TRABD2B: variants seen among roughly 807,000 people sequenced by gnomAD.
TRABD2B encodes the protein metalloprotease TIKI2.
A neutral mutation model predicts 40.1 loss-of-function variants in TRABD2B; 14 were observed. The observed-to-expected ratio is 0.35, with a 90% confidence interval of 0.23 to 0.55. The LOEUF (loss-of-function observed/expected upper bound fraction) is 0.55, where lower values mean the gene tolerates loss of function less well. Among genes scored for constraint, TRABD2B ranks in the 20% least tolerant of loss-of-function variants. The pLI is 0.90. For synonymous variants in TRABD2B, 263 were observed against 277.0 expected (o/e 0.95, Z 0.50); for missense variants, 541 against 648.6 (o/e 0.83, Z 1.80).
intron 3 of TRABD2B, among the ~76,000 whole-genome samples, chr1:47,799,385 G>C (rs1347784169): frequency 1.3e-5 from 2 of 152,188 alleles, no homozygotes; most frequent in Non-Finnish European, 2.9e-5. Context: ...GAGCCTCGTG[G>C]TGTCAGGGTG....
In TRABD2B at chr1:47,898,965, G is replaced by A. The variant is rs76075440; in HGVS notation, c.666+95069C>T. ...CTCATTCATTCATTCATTCATTCAC[G>A]CATTCAGTCTTCACGGCCTTCACCA... is the stretch of plus-strand genomic sequence containing the variant. On this transcript the variant is annotated intron_variant, in intron 2 of 6. Coordinates refer to ENST00000606738, the MANE Select transcript of TRABD2B (RefSeq NM_001194986.2). Among the ~76,000 whole-genome samples, 388 of 152,162 alleles carry A rather than the reference G, an allele frequency of 2.5e-3. 1 individual carries two copies. Among genetic ancestry groups the A allele is most frequent in the African/African-American group, 9.0e-3 (374 of 41,492 alleles).
intron 2 of TRABD2B, among the ~76,000 whole-genome samples, chr1:47,832,726 G>A (rs1645267295): frequency 6.6e-6 from 1 of 152,182 alleles, no homozygotes; most frequent in African/African-American, 2.4e-5. Flanking sequence ...TAGGGGCACA[G>A]AGAAGAATCT....
At chr1:47,883,249 A>C (rs1308780124) in intron 2 of TRABD2B, among the ~76,000 whole-genome samples, 1 of 152,194 alleles carries the variant, frequency 6.6e-6, no homozygotes, top group Admixed American at 6.5e-5. Flanking sequence ...GTTGGGACTT[A>C]ATTCTAAGTC....
intron 2 of TRABD2B, among the ~76,000 whole-genome samples, chr1:47,846,186 G>A (rs76627788): frequency 0.023 from 3,577 of 152,308 alleles, 111 homozygotes; most frequent in Admixed American, 0.094. Flanking sequence ...AATACATTCA[G>A]CATGCTTCCC....
chr1:47,934,770 C>T (rs1456618774), intron 2 of TRABD2B, among the ~76,000 whole-genome samples: 6 of 152,178 alleles, frequency 3.9e-5, no homozygotes, highest in Non-Finnish European at 8.8e-5. Flanking sequence ...AGACACAGGG[C>T]TTAGAGTGGA....
intron 2 of TRABD2B, among the ~76,000 whole-genome samples, chr1:47,975,303 G>A (rs1645740276): frequency 1.3e-5 from 2 of 152,252 alleles, no homozygotes; most frequent in African/African-American, 4.8e-5. Flanking sequence ...AAAATTAAAA[G>A]TTTATTTAAA....
rs1443302211 is a variant in TRABD2B, at chr1:47,876,915, GT to G, written c.667-75297del. Among the ~76,000 whole-genome samples the G allele has an allele frequency of 2.0e-5, 3 of 152,296 alleles. No homozygotes were observed. The East Asian group carries it at 5.8e-4, about 29-fold the overall frequency. On this transcript the variant is annotated intron_variant, in intron 2 of 6. Coordinates refer to ENST00000606738, the MANE Select transcript of TRABD2B (RefSeq NM_001194986.2). Reference sequence around the variant, plus strand: ...AACAACTGTCTGTCAAGCTCTTCCTGTGTGCCAGGCACTGTGCTAGGCACTG... The same window carrying G: ...AACAACTGTCTGTCAAGCTCTTCCTGGTGCCAGGCACTGTGCTAGGCACTG...
chr1:47,940,879 T>C (rs1036778056), intron 2 of TRABD2B, among the ~76,000 whole-genome samples: 1 of 152,202 alleles, frequency 6.6e-6, no homozygotes, highest in African/African-American at 2.4e-5. Flanking sequence ...AATGGCGTAT[T>C]TTCCAGCAGT....
chr1:47,886,393 G>T (rs1245608140), intron 2 of TRABD2B, among the ~76,000 whole-genome samples: 1 of 152,174 alleles, frequency 6.6e-6, no homozygotes, highest in East Asian at 1.9e-4. Context: ...TTTGCTTCTT[G>T]TTCCTCTCTA....
intron 2 of TRABD2B, among the ~76,000 whole-genome samples, chr1:47,828,447 A>G (rs1038360372): frequency 1.3e-5 from 2 of 152,188 alleles, no homozygotes; most frequent in Admixed American, 6.5e-5. Flanking sequence ...TTGTGCTAGA[A>G]AGTCACTGGG....
chr1:47,806,233 G>A (rs1373710685), intron 2 of TRABD2B, among the ~76,000 whole-genome samples: 1 of 152,202 alleles, frequency 6.6e-6, no homozygotes, highest in Non-Finnish European at 1.5e-5. Context: ...AGGGATTTGA[G>A]ATTAGTAGAT....
At chr1:47,824,366 A>T (rs1452513031) in intron 2 of TRABD2B, among the ~76,000 whole-genome samples, 1 of 152,138 alleles carries the variant, frequency 6.6e-6, no homozygotes, top group East Asian at 1.9e-4. Flanking sequence ...ACAGCCTGCA[A>T]ATTCAACCCT....
intron 2 of TRABD2B, among the ~76,000 whole-genome samples, chr1:47,919,845 G>A (rs1470835984): frequency 1.3e-5 from 2 of 152,226 alleles, no homozygotes; most frequent in East Asian, 3.9e-4. Context: ...GCTTCCTGGA[G>A]AGGGGGGTGC....
chr1:47,960,374 G>A (rs573589764), intron 2 of TRABD2B, among the ~76,000 whole-genome samples: 23 of 152,280 alleles, frequency 1.5e-4, no homozygotes, highest in African/African-American at 5.5e-4. Context: ...GGGCAATCAG[G>A]CAGGAGAAAG....
chr1:47,825,030 G>C (rs1471470058), intron 2 of TRABD2B, among the ~76,000 whole-genome samples: 1 of 152,202 alleles, frequency 6.6e-6, no homozygotes, highest in African/African-American at 2.4e-5. Context: ...ACCCACGGGG[G>C]AATCTCAGGC....
In TRABD2B at chr1:47,810,137, G is replaced by GGGGT. The variant is rs1553153518; in HGVS notation, c.667-8519_667-8518insACCC. On this transcript the variant is annotated intron_variant, in intron 2 of 6. Coordinates refer to ENST00000606738, the MANE Select transcript of TRABD2B (RefSeq NM_001194986.2). The stretch of plus-strand genomic sequence containing the variant: ...GAAAATAAGGCAAAGAGGAATATAG[G>GGGGT]GTGTGTGTGTGTGTGTGCGCGCGCG... Among the ~76,000 whole-genome samples, 615 of 136,146 alleles carry GGGGT rather than the reference G, an allele frequency of 4.5e-3. 2 individuals carry two copies. The highest frequency in any genetic ancestry group is 0.011 in the Middle Eastern group (3 of 276). The allele number at this position is 136,146 out of a possible 152,430, so 89.3% of individuals were successfully genotyped here. A position where few individuals can be genotyped will look rare whatever the true frequency, so the allele number is the denominator to read the frequency against.
chr1:47,914,874 G>T (rs930720567), intron 2 of TRABD2B, among the ~76,000 whole-genome samples: 1 of 152,206 alleles, frequency 6.6e-6, no homozygotes, highest in Non-Finnish European at 1.5e-5. Context: ...CTGAATGCTG[G>T]GGGGGCAAGG....
chr1:47,856,460 G>A (rs1278488108), intron 2 of TRABD2B, among the ~76,000 whole-genome samples: 2 of 152,258 alleles, frequency 1.3e-5, no homozygotes, highest in African/African-American at 4.8e-5. Flanking sequence ...TTGGATTTAG[G>A]ATATGTTTGG....
chr1:47,770,944 C>T (rs994837587), intron 6 of TRABD2B, among the ~76,000 whole-genome samples: 1 of 152,226 alleles, frequency 6.6e-6, no homozygotes, highest in African/African-American at 2.4e-5. Context: ...CGAGCATCAT[C>T]TCACATAATC....
Sources: gnomAD v4.1 joint callset for allele counts (sites outside exome capture counted in the v4.1 genomes callset) on GRCh38, gnomAD v4.1.1 for gene constraint, MANE v1.5 for transcripts, NCBI Gene and HGNC (gene_info 2026-07-23, HGNC 2026-07-21) for gene names.